RNF130: variants seen among roughly 807,000 people sequenced by gnomAD.
RNF130 encodes E3 ubiquitin-protein ligase RNF130.
In RNF130, 21 loss-of-function variants were observed where a neutral mutation model predicts 44.6. That is an observed-to-expected ratio of 0.47 (90% CI 0.33 to 0.68). The LOEUF (loss-of-function observed/expected upper bound fraction) is 0.68, where lower values mean the gene tolerates loss of function less well. Among genes scored for constraint, RNF130 ranks in the 30% least tolerant of loss-of-function variants. The pLI, the probability that RNF130 is intolerant of heterozygous loss-of-function variation, is 0.02. For synonymous variants in RNF130, 214 were observed against 210.4 expected (o/e 1.02, Z -0.15); for missense variants, 479 against 560.6 (o/e 0.85, Z 1.47).
intron 6 of RNF130, among the ~76,000 whole-genome samples, chr5:179,968,235 C>T (rs779738073): frequency 2.6e-5 from 4 of 152,000 alleles, no homozygotes; most frequent in East Asian, 1.9e-4. Flanking sequence ...GCGGAGCTTG[C>T]GGTGAGCCGA....
Position 179,994,386 on chromosome 5 carries a change from G to A in RNF130, c.694-14186C>T, listed in dbSNP as rs148967430. Among the ~76,000 whole-genome samples, 313 of 152,170 alleles carry A rather than the reference G, an allele frequency of 2.1e-3. 1 individual carries two copies. The highest frequency in any genetic ancestry group is 3.6e-3 in the Non-Finnish European group (248 of 67,986). The stretch of plus-strand genomic sequence containing the variant: ...ATTTGTTTGTGTCCTCTTTTATTTC[G>A]TTGAGCAGTGGTTTGTAGTTCTTCT... On this transcript the variant is annotated intron_variant, in intron 3 of 8. Coordinates refer to ENST00000521389, the MANE Select transcript of RNF130 (RefSeq NM_018434.6).
In RNF130 at chr5:179,940,028, TCTTTA is replaced by T. The variant is rs772623654; in HGVS notation, c.1151-19607_1151-19603del. ...TCATCTGAATTTTCTCTCTGCTTCT[TCTTTA>T]GTCTCAGGACTTTTATCTGGGTGCC... On this transcript the variant is annotated intron_variant, in intron 7 of 7. Transcript: ENST00000522208. 199 of 225,500 alleles carry T rather than the reference TCTTTA, an allele frequency of 8.8e-4. 1 individual carries two copies. Among genetic ancestry groups the T allele is most frequent in the South Asian group, 3.9e-3 (57 of 14,654 alleles). The allele number at this position is 225,500 out of a possible 1,614,324, so 14.0% of individuals were successfully genotyped here.
chr5:179,919,466 C>T (rs7717213), exon 8 of RNF130: 6,402 of 152,574 alleles, frequency 0.042, 437 homozygotes, highest in African/African-American at 0.15. Context: ...TCTTTCACAA[C>T]TGCTGGCCAT....
At chr5:180,039,506 T>C (rs1033014800) in intron 2 of RNF130, among the ~76,000 whole-genome samples, 1 of 152,116 alleles carries the variant, frequency 6.6e-6, no homozygotes, top group Admixed American at 6.5e-5. Context: ...CTAAAGTATA[T>C]CTTACTTCTA....
chr5:180,016,359 T>C (rs977092692), intron 2 of RNF130, among the ~76,000 whole-genome samples: 29 of 85,214 alleles, frequency 3.4e-4, no homozygotes, highest in African/African-American at 6.3e-4. Flanking sequence ...AAAGGAAATG[T>C]AGGCTTCACA....
intron 2 of RNF130, among the ~76,000 whole-genome samples, chr5:180,019,831 A>G (rs550121127): frequency 6.6e-6 from 1 of 152,354 alleles, no homozygotes; most frequent in South Asian, 2.1e-4. Context: ...AATAAAGTGC[A>G]AACTCTTTCA....
At chr5:179,981,094 A>T (rs919288369) in intron 3 of RNF130, among the ~76,000 whole-genome samples, 1 of 152,006 alleles carries the variant, frequency 6.6e-6, no homozygotes, top group Admixed American at 6.6e-5. Context: ...TAGGGTTAGG[A>T]GGGGGTTCCG....
At chr5:179,920,140 G>C (rs1561657845) in exon 8 of RNF130, 1 of 548,986 alleles carries the variant, frequency 1.8e-6, no homozygotes, top group East Asian at 2.8e-5. Context: ...CAATGCTACT[G>C]TCCTCAAAGC....
intron 3 of RNF130, among the ~76,000 whole-genome samples, chr5:180,007,236 A>C (rs1166233765): frequency 6.6e-6 from 1 of 152,096 alleles, no homozygotes; most frequent in Non-Finnish European, 1.5e-5. Flanking sequence ...TCCCATCTCT[A>C]CTAAAAATAC....
intron 7 of RNF130, among the ~76,000 whole-genome samples, chr5:179,937,933 T>TGTGTGTGTGTGAGA (rs1268947878): frequency 2.6e-5 from 3 of 116,224 alleles, no homozygotes; most frequent in African/African-American, 3.5e-5. Context: ...TGTGTGTGTG[T>TGTGTGTGTGTGAGA]GAGAGAGAGA....
chr5:179,926,954 C>T (rs1031270610), intron 7 of RNF130, among the ~76,000 whole-genome samples: 2 of 152,192 alleles, frequency 1.3e-5, no homozygotes, highest in African/African-American at 4.8e-5. Context: ...GGGGCCCCCT[C>T]GCCCCACTCG....
At chr5:179,916,346 C>A (rs1036101167) in exon 8 of RNF130, 1 of 152,100 alleles carries the variant, frequency 6.6e-6, no homozygotes, top group Non-Finnish European at 1.5e-5. Context: ...TGCACTCCTG[C>A]CTGGGTGACA....
At chr5:179,997,988 C>T (rs369414872) in intron 3 of RNF130, among the ~76,000 whole-genome samples, 12 of 151,786 alleles carry the variant, frequency 7.9e-5, no homozygotes, top group Middle Eastern at 6.9e-3. Context: ...ACTACAGGTG[C>T]GCGCCACCAC....
chr5:179,995,993 T>G (rs1763189172), intron 3 of RNF130, among the ~76,000 whole-genome samples: 1 of 152,242 alleles, frequency 6.6e-6, no homozygotes, highest in Admixed American at 6.5e-5. Flanking sequence ...TTTCTATTTC[T>G]GTGAATAATA....
In RNF130 at chr5:179,977,681, G is replaced by A. The variant is rs775998455; in HGVS notation, c.848+522C>T. Reference sequence around the variant, plus strand: ...CAACTGGCCAACATGATGAAACCCCGTCTCTACTAAAAATACAAAAATTAT... The same window carrying A: ...CAACTGGCCAACATGATGAAACCCCATCTCTACTAAAAATACAAAAATTAT... On this transcript the variant is annotated intron_variant, in intron 5 of 8. Coordinates refer to ENST00000521389, the MANE Select transcript of RNF130 (RefSeq NM_018434.6). The surrounding 1 kb of genome is among the most constrained non-coding windows in gnomAD (Gnocchi z 4.1). Among the ~76,000 whole-genome samples, 7 of 151,994 alleles carry A rather than the reference G, an allele frequency of 4.6e-5. No individual in the cohort carries two copies. The highest frequency in any genetic ancestry group is 1.2e-4 in the African/African-American group (5 of 41,364).
intron 1 of RNF130, among the ~76,000 whole-genome samples, chr5:180,062,131 T>G (rs1765001586): frequency 6.7e-6 from 1 of 149,870 alleles, no homozygotes; most frequent in African/African-American, 2.5e-5. Flanking sequence ...CTTGGCTCAC[T>G]GCAACCTCTG....
At chr5:179,943,566 G>GT (rs1336337793) in intron 7 of RNF130, among the ~76,000 whole-genome samples, 1 of 152,192 alleles carries the variant, frequency 6.6e-6, no homozygotes, top group Non-Finnish European at 1.5e-5. Flanking sequence ...AGGAAAAGGC[G>GT]TAACATGTAT....
chr5:180,071,517 C>G lies in RNF130; in HGVS notation c.186G>C (p.Gly62=). The change falls in exon 1 of 9, where the codon GGG becomes GGC. Residue 62 remains glycine, a synonymous_variant. Transcript: ENST00000521389. ...GGACCTCGGCCTTGGGGGAGTCAAG[C>G]CCGTAGCGCCCGCGGTCGATGCGAA... ...LTFRIDRGRY[G]LDSPKAEVRG... 1.5e-6 allele frequency: 2 copies of G among 1,355,404 alleles called. No homozygotes were observed. Among genetic ancestry groups the G allele is most frequent in the Non-Finnish European group, 9.6e-7 (1 of 1,046,296 alleles). 84.0% of individuals were successfully genotyped at this position (1,355,404 alleles called of 1,614,324 possible). A position where few individuals can be genotyped will look rare whatever the true frequency, so the allele number is the denominator to read the frequency against.
At chr5:179,972,568 G>A (rs528825197) in intron 5 of RNF130, among the ~76,000 whole-genome samples, 2 of 152,046 alleles carry the variant, frequency 1.3e-5, no homozygotes, top group East Asian at 3.9e-4. Flanking sequence ...CAGGGCTCTG[G>A]TGCAGGAGTG....
Sources: allele counts gnomAD v4.1 joint callset (sites outside exome capture counted in the v4.1 genomes callset), GRCh38; gene constraint gnomAD v4.1.1; non-coding constraint Gnocchi (gnomAD v3.1); transcripts MANE v1.5; gene names NCBI Gene and HGNC (gene_info 2026-07-23, HGNC 2026-07-21).